The following NCOA2 variants were observed in gnomAD, a reference collection of about 807,000 sequenced individuals.
The protein encoded by NCOA2 is nuclear receptor coactivator 2.
NCOA2 carries 21 observed loss-of-function variants against 145.1 expected under a neutral mutation model. The observed-to-expected ratio is 0.14, with a 90% CI of 0.10 to 0.21. NCOA2 has a LOEUF of 0.21. NCOA2 is among the 10% of genes least tolerant of loss of function. NCOA2 has a pLI of 1.00. For synonymous variants in NCOA2, 619 were observed against 637.5 expected, an observed-to-expected ratio of 0.97 and a Z score of 0.44; for missense variants, 1,472 against 1,837.6, an observed-to-expected ratio of 0.80 and a Z score of 3.64.
intron 11 of NCOA2, among the ~76,000 whole-genome samples, chr8:70,150,697 G>A (rs1470420112): frequency 6.6e-6 from 1 of 152,130 alleles, no homozygotes; most frequent in Non-Finnish European, 1.5e-5. Flanking sequence ...TCTTTATCAT[G>A]TTTTGCTGAA....
chr8:70,135,319 T>C (rs543134042), intron 15 of NCOA2, among the ~76,000 whole-genome samples: 1 of 152,264 alleles, frequency 6.6e-6, no homozygotes, highest in African/African-American at 2.4e-5. Context: ...TACTAACAAT[T>C]TATGTTAAAA....
At chr8:70,436,196 G>T in the NCOA2 span, among the ~76,000 whole-genome samples, 3 of 152,052 alleles carry the variant, frequency 2.0e-5, no homozygotes, top group African/African-American at 4.8e-5. Context: ...CATATTTTCT[G>T]TTTTAGCCTA....
chr8:70,447,668 T>C, the NCOA2 span, among the ~76,000 whole-genome samples: 1 of 149,104 alleles, frequency 6.7e-6, no homozygotes, highest in Admixed American at 6.7e-5. Flanking sequence ...CATCATTTCT[T>C]AGGTCTTTGT....
chr8:70,242,722 C>T (rs1341534189), intron 2 of NCOA2, among the ~76,000 whole-genome samples: 1 of 152,030 alleles, frequency 6.6e-6, no homozygotes, highest in Non-Finnish European at 1.5e-5. Flanking sequence ...TTTAATCCTG[C>T]CTAAATCTTC....
chr8:70,347,554 G>A (rs1452776055), intron 1 of NCOA2, among the ~76,000 whole-genome samples: 2 of 152,038 alleles, frequency 1.3e-5, no homozygotes, highest in Non-Finnish European at 2.9e-5. Context: ...TACTTGGGAG[G>A]CTGAGGTAAG....
chr8:70,450,573 C>CTTTTTTTTTTTT, the NCOA2 span, among the ~76,000 whole-genome samples: 613 of 94,594 alleles, frequency 6.5e-3, 19 homozygotes, highest in East Asian at 9.6e-3. Context: ...TCTTTTTATT[C>CTTTTTTTTTTTT]TTTTTTTTTT....
At chr8:70,138,621 A>G (rs1810017353) in intron 14 of NCOA2, among the ~76,000 whole-genome samples, 1 of 152,244 alleles carries the variant, frequency 6.6e-6, no homozygotes, top group African/African-American at 2.4e-5. Context: ...ACTGATATTT[A>G]CTGTACTGGA....
At chr8:70,137,492 G>A (rs1239824182) in intron 15 of NCOA2, among the ~76,000 whole-genome samples, 1 of 152,216 alleles carries the variant, frequency 6.6e-6, no homozygotes, top group African/African-American at 2.4e-5. Flanking sequence ...TTTGTCCTGT[G>A]TTATATTCAA....
intron 1 of NCOA2, among the ~76,000 whole-genome samples, chr8:70,329,204 C>G (rs114977943): frequency 6.6e-6 from 1 of 152,036 alleles, no homozygotes; most frequent in Non-Finnish European, 1.5e-5. Flanking sequence ...CACCGTAGCC[C>G]CCAATGTGTT....
At chr8:70,188,803 A>C (rs568084335) in intron 4 of NCOA2, among the ~76,000 whole-genome samples, 3 of 152,178 alleles carry the variant, frequency 2.0e-5, no homozygotes, top group African/African-American at 7.2e-5. Flanking sequence ...ACTTACAAGA[A>C]AGAAAAGTAT....
the NCOA2 span, among the ~76,000 whole-genome samples, chr8:70,431,812 T>G: frequency 6.6e-6 from 1 of 152,244 alleles, no homozygotes; most frequent in African/African-American, 2.4e-5. Context: ...ACTGTTTACA[T>G]AGTGTTGAAA....
intron 1 of NCOA2, among the ~76,000 whole-genome samples, chr8:70,356,931 A>G (rs544369712): frequency 5.3e-5 from 8 of 152,276 alleles, no homozygotes; most frequent in African/African-American, 1.9e-4. Flanking sequence ...TTCTCCCTGC[A>G]TTTCATGTCT....
intron 2 of NCOA2, among the ~76,000 whole-genome samples, chr8:70,243,806 A>AG (rs1039832288): frequency 2.0e-5 from 3 of 151,544 alleles, no homozygotes; most frequent in African/African-American, 7.3e-5. Flanking sequence ...AAAAAAAAAA[A>AG]AAGAATGTGG....
intron 1 of NCOA2, among the ~76,000 whole-genome samples, chr8:70,325,888 A>C (rs896930567): frequency 2.6e-5 from 4 of 152,098 alleles, no homozygotes; most frequent in African/African-American, 9.7e-5. Context: ...TCATCACCTC[A>C]CAAATGAAGG....
chr8:70,289,389 G>A (rs1423306357), intron 2 of NCOA2, among the ~76,000 whole-genome samples: 1 of 152,146 alleles, frequency 6.6e-6, no homozygotes, highest in African/African-American at 2.4e-5. Context: ...AGATTTAAAA[G>A]TCTCAGTACT....
chr8:70,353,393 G>A (rs559568875), intron 1 of NCOA2, among the ~76,000 whole-genome samples: 1 of 150,070 alleles, frequency 6.7e-6, no homozygotes, highest in African/African-American at 2.5e-5. Flanking sequence ...GGGATTAAAG[G>A]GGGGTGCCAC....
At chr8:70,351,512 C>G (rs943318539) in intron 1 of NCOA2, among the ~76,000 whole-genome samples, 2 of 151,876 alleles carry the variant, frequency 1.3e-5, no homozygotes, top group African/African-American at 4.8e-5. Flanking sequence ...GAATATCAAC[C>G]AATTTCAATA....
chr8:70,255,223 A>G (rs184130815), intron 2 of NCOA2, among the ~76,000 whole-genome samples: 34 of 152,314 alleles, frequency 2.2e-4, no homozygotes, highest in Admixed American at 2.0e-3. Context: ...TGTGTGCCCA[A>G]GGTTTCAAGC....
At chr8:70,443,783 CA>C in the NCOA2 span, among the ~76,000 whole-genome samples, 1 of 152,118 alleles carries the variant, frequency 6.6e-6, no homozygotes, top group Non-Finnish European at 1.5e-5. Context: ...TATTGCCCCC[CA>C]GGCTGATTTT....
Sources: allele counts gnomAD v4.1 joint callset (sites outside exome capture counted in the v4.1 genomes callset), GRCh38; gene constraint gnomAD v4.1.1; transcripts MANE v1.5; gene names NCBI Gene and HGNC (gene_info 2026-07-23, HGNC 2026-07-21).